The following DCLK1 variants were observed in gnomAD, a reference collection of about 807,000 sequenced individuals.
The protein encoded by DCLK1 is doublecortin like kinase 1.
DCLK1 carries 16 observed loss-of-function variants against 86.2 expected under a neutral mutation model. That is an observed-to-expected ratio of 0.19 (90% confidence interval 0.13 to 0.28). The LOEUF (loss-of-function observed/expected upper bound fraction) is 0.28, where lower values mean the gene tolerates loss of function less well. Among genes scored for constraint, DCLK1 ranks in the 10% least tolerant of loss-of-function variants. The probability of loss-of-function intolerance (pLI) is 1.00; values close to 1 mark genes in which losing one functional copy is unlikely to be tolerated. For missense variants in DCLK1, 590 were observed against 940.2 expected, an observed-to-expected ratio of 0.63 and a Z score of 4.87; for synonymous variants, 369 against 370.5, an observed-to-expected ratio of 1.00 and a Z score of 0.05.
chr13:36,064,289 G>A (rs755044921), intron 3 of DCLK1, among the ~76,000 whole-genome samples: 5 of 152,178 alleles, frequency 3.3e-5, no homozygotes, highest in East Asian at 1.9e-4. Context: ...ACTGTTCATC[G>A]TAAGTTTGCT....
intron 4 of DCLK1, among the ~76,000 whole-genome samples, chr13:35,935,533 C>T (rs80281906): frequency 1.0e-3 from 155 of 152,218 alleles, no homozygotes; most frequent in Non-Finnish European, 1.7e-3. Flanking sequence ...GTTGAGAATG[C>T]TGATGCCATG....
At chr13:36,071,498 A>G (rs1428755660) in intron 3 of DCLK1, among the ~76,000 whole-genome samples, 1 of 152,208 alleles carries the variant, frequency 6.6e-6, no homozygotes, top group Non-Finnish European at 1.5e-5. Context: ...AGTATGGCTA[A>G]TTCCAAATCC....
At chr13:36,094,125 C>A (rs1884924713) in intron 3 of DCLK1, among the ~76,000 whole-genome samples, 1 of 152,092 alleles carries the variant, frequency 6.6e-6, no homozygotes, top group Non-Finnish European at 1.5e-5. Context: ...TATGTTACAG[C>A]ATTTTTTAAA....
At chr13:35,894,668 C>G (rs770915620) in intron 4 of DCLK1, among the ~76,000 whole-genome samples, 5 of 152,122 alleles carry the variant, frequency 3.3e-5, no homozygotes, top group Non-Finnish European at 7.4e-5. Flanking sequence ...TGGGAGTGAA[C>G]AGCCCAGTGT....
intron 4 of DCLK1, among the ~76,000 whole-genome samples, chr13:35,905,422 C>T (rs545788533): frequency 6.6e-6 from 1 of 152,312 alleles, no homozygotes; most frequent in African/African-American, 2.4e-5. Flanking sequence ...CACCCTATCC[C>T]AGGAGCCAGG....
chr13:35,808,236 G>A lies in DCLK1; in HGVS notation c.1851C>T (p.Ser617=), dbSNP rs149279650. ...ACTGGACACCTACCTTTGCAGAATCGGAAACATTATCCCAGTATGGAGAAG... is the reference window on the plus strand; with the variant it reads ...ACTGGACACCTACCTTTGCAGAATCAGAAACATTATCCCAGTATGGAGAAG... The part of the protein sequence containing the change: ...DFPSPYWDNV[S]DSAKELITMM... Residue 617 remains serine, a synonymous_variant, in exon 14 of 17, where the codon TCC becomes TCT. Coordinates refer to ENST00000360631, the MANE Select transcript of DCLK1 (RefSeq NM_001330071.2). 8.6e-5 allele frequency: 139 copies of A among 1,613,946 alleles called. No individual in the cohort carries two copies. The African/African-American group carries it at 1.2e-3, about 14-fold the overall frequency.
chr13:35,861,511 C>T (rs1871380548), intron 5 of DCLK1, among the ~76,000 whole-genome samples: 1 of 152,152 alleles, frequency 6.6e-6, no homozygotes. Context: ...AAATCACACT[C>T]CCAGACCAGG....
At chr13:36,100,119 G>A (rs1050474939) in intron 3 of DCLK1, among the ~76,000 whole-genome samples, 3 of 141,492 alleles carry the variant, frequency 2.1e-5, no homozygotes, top group African/African-American at 7.9e-5. Context: ...GAGGCAGGAG[G>A]ATTGCTTGAG....
At chr13:35,888,778 T>C (rs1873455882) in intron 4 of DCLK1, among the ~76,000 whole-genome samples, 1 of 152,226 alleles carries the variant, frequency 6.6e-6, no homozygotes. Flanking sequence ...GCAGTTATCG[T>C]TGGCTAAGTA....
chr13:35,999,766 C>T (rs538451523), intron 3 of DCLK1, among the ~76,000 whole-genome samples: 3 of 152,164 alleles, frequency 2.0e-5, no homozygotes, highest in Non-Finnish European at 4.4e-5. Context: ...CCAAACTCTT[C>T]TTGGAGGAAA....
At chr13:35,849,487 C>A (rs1870450692) in intron 6 of DCLK1, 1 of 984,652 alleles carries the variant, frequency 1.0e-6, no homozygotes. Context: ...AGTGTTTGAA[C>A]TAGTAAAAGT....
At chr13:36,053,718 G>A (rs1883203741) in intron 3 of DCLK1, among the ~76,000 whole-genome samples, 1 of 152,008 alleles carries the variant, frequency 6.6e-6, no homozygotes, top group East Asian at 1.9e-4. Context: ...TGCCGGGTGG[G>A]GGGCAGGTTT....
intron 3 of DCLK1, among the ~76,000 whole-genome samples, chr13:36,047,057 A>C (rs1396547628): frequency 6.6e-6 from 1 of 152,260 alleles, no homozygotes; most frequent in Non-Finnish European, 1.5e-5. Context: ...TGACATACAA[A>C]TGGCCAACAG....
At chr13:35,982,093 C>A (rs894376815) in intron 3 of DCLK1, among the ~76,000 whole-genome samples, 2 of 152,108 alleles carry the variant, frequency 1.3e-5, no homozygotes, top group Non-Finnish European at 2.9e-5. Flanking sequence ...GCAGTAGTAC[C>A]TGATGGTTAT....
In DCLK1 at chr13:36,035,145, G is replaced by T. The variant is rs568021769; in HGVS notation, c.723+76724C>A. ...CATGGCTGCCCCTTTGTCTGCTATT[G>T]TGTCTCTCCCTCTGCGAATCAGCTA... On this transcript the variant is annotated intron_variant, in intron 3 of 16. Coordinates refer to ENST00000360631, the MANE Select transcript of DCLK1 (RefSeq NM_001330071.2). 9.9e-5 allele frequency among the ~76,000 whole-genome samples: 15 copies of T among 152,216 alleles called. No homozygotes were observed. The South Asian group carries it at 3.1e-3, about 32-fold the overall frequency.
intron 4 of DCLK1, among the ~76,000 whole-genome samples, chr13:35,872,258 A>G (rs1425485081): frequency 6.6e-6 from 1 of 152,208 alleles, no homozygotes; most frequent in East Asian, 1.9e-4. Context: ...CCCATGATCA[A>G]ATGATACTTT....
At chr13:35,851,995 A>ATATGTGTGTGTG (rs1555344391) in intron 6 of DCLK1, among the ~76,000 whole-genome samples, 1 of 143,544 alleles carries the variant, frequency 7.0e-6, no homozygotes, top group African/African-American at 2.5e-5. Context: ...ATGTGTGTGT[A>ATATGTGTGTGTG]TGTGTGTGTG....
At chr13:35,844,860 A>G (rs1232122242) in intron 6 of DCLK1, among the ~76,000 whole-genome samples, 1 of 152,268 alleles carries the variant, frequency 6.6e-6, no homozygotes, top group East Asian at 1.9e-4. Context: ...AAGAGAACCA[A>G]TTAAAGTTAA....
intron 4 of DCLK1, among the ~76,000 whole-genome samples, chr13:35,910,595 G>A (rs923958385): frequency 6.6e-6 from 1 of 152,286 alleles, no homozygotes; most frequent in Non-Finnish European, 1.5e-5. Flanking sequence ...TGTCTGGGAT[G>A]ACCAAATCCC....
Sources: allele counts gnomAD v4.1 joint callset (sites outside exome capture counted in the v4.1 genomes callset), GRCh38; gene constraint gnomAD v4.1.1; transcripts MANE v1.5; gene names NCBI Gene and HGNC (gene_info 2026-07-23, HGNC 2026-07-21).